IRF6: variants seen among roughly 807,000 people sequenced by gnomAD.
IRF6 encodes Van der Woude syndrome.
Under a neutral mutation model 51.4 loss-of-function variants are expected in IRF6, and 6 were observed. The ratio of observed to expected loss-of-function variants is 0.12; its 90% CI spans 0.06 to 0.23. IRF6 has a LOEUF of 0.23. Among genes scored for constraint, IRF6 ranks in the 10% least tolerant of loss-of-function variants. IRF6 has a pLI of 1.00. For missense variants in IRF6, 348 were observed against 585.2 expected (o/e 0.59, Z 4.18); for synonymous variants, 178 against 215.7 (o/e 0.83, Z 1.53).
chr1:209,788,381 A>G lies in IRF6; in HGVS notation c.*39T>C, dbSNP rs1281643298. 3.0e-6 allele frequency: 4 copies of G among 1,314,670 alleles called. No individual in the cohort carries two copies. Among genetic ancestry groups the G allele is most frequent in the Non-Finnish European group, 4.4e-6 (4 of 911,410 alleles). 81.4% of individuals were successfully genotyped at this position (1,314,670 alleles called of 1,614,324 possible). On this transcript the variant is annotated 3_prime_UTR_variant, in exon 9 of 9. Coordinates refer to ENST00000367021, the MANE Select transcript of IRF6 (RefSeq NM_006147.4). ...AACAATAAAAAAATCCATATGTACA[A>G]TATTATAAAAAAGAGAAGGAAGAAG...
At chr1:209,794,235 G>C (rs1159699027) in intron 5 of IRF6, among the ~76,000 whole-genome samples, 1 of 152,152 alleles carries the variant, frequency 6.6e-6, no homozygotes, top group South Asian at 2.1e-4. Context: ...ATCAGCATCT[G>C]TTATTTTTTG....
chr1:209,790,475 C>T lies in IRF6; in HGVS notation c.1060+20G>A. Reference sequence around the variant, plus strand: ...TCCAGAGAGTGATTCCCACGATCAACTTTCTGAGAAATGACTTACCGCTAA... The same window carrying T: ...TCCAGAGAGTGATTCCCACGATCAATTTTCTGAGAAATGACTTACCGCTAA... On this transcript the variant is annotated intron_variant, in intron 7 of 8. Coordinates refer to ENST00000367021, the MANE Select transcript of IRF6 (RefSeq NM_006147.4). The surrounding 1 kb of genome is among the most constrained non-coding windows in gnomAD (Gnocchi z 4.8). 1 of 1,612,832 alleles carries T rather than the reference C, an allele frequency of 6.2e-7. No homozygotes were observed. Among genetic ancestry groups the T allele is most frequent in the Non-Finnish European group, 8.5e-7 (1 of 1,179,618 alleles).
Position 209,796,646 on chromosome 1 carries a change from C to CACACACA in IRF6, c.175-101_175-95dup. 5.3e-6 allele frequency: 4 copies of CACACACA among 756,070 alleles called. No homozygotes were observed. Among genetic ancestry groups the CACACACA allele is most frequent in the Non-Finnish European group, 6.8e-6 (3 of 443,820 alleles). The allele number at this position is 756,070 out of a possible 1,614,324, so 46.8% of individuals were successfully genotyped here. On this transcript the variant is annotated intron_variant, in intron 3 of 8. Coordinates refer to ENST00000367021, the MANE Select transcript of IRF6 (RefSeq NM_006147.4). This position sits in a 1 kb window ranked among gnomAD's most constrained non-coding sequence, Gnocchi z 4.5. ...TCTCATAGACACAAACACACACACACACACACACACACACACACACACACA... is the reference window on the plus strand; with the variant it reads ...TCTCATAGACACAAACACACACACACACACACAACACACACACACACACACACACACA...
In IRF6 at chr1:209,785,811, T is replaced by C. The variant is rs1392610567; in HGVS notation, c.*2609A>G. 4 of 152,128 alleles carry C rather than the reference T, an allele frequency of 2.6e-5. No homozygotes were observed. The highest frequency in any genetic ancestry group is 9.7e-5 in the African/African-American group (4 of 41,412). The allele number at this position is 152,128 out of a possible 1,614,324, so 9.4% of individuals were successfully genotyped here. ...GTCCCTACCTTCAGCAAGTTTGCAGTCAAGCAGGATGCGGATGCTGAGCAT... is the reference window on the plus strand; with the variant it reads ...GTCCCTACCTTCAGCAAGTTTGCAGCCAAGCAGGATGCGGATGCTGAGCAT... On this transcript the variant is annotated 3_prime_UTR_variant, in exon 9 of 9. Transcript: ENST00000367021.
chr1:209,798,567 C>A (rs1270123499), intron 3 of IRF6, among the ~76,000 whole-genome samples: 1 of 152,126 alleles, frequency 6.6e-6, no homozygotes. Flanking sequence ...CACTGGGCAC[C>A]CAAGGCTGAT....
At position 209,796,257 on chromosome 1, in the gene IRF6, A is replaced by T. The variant is rs2077900525; in HGVS notation, c.379+91T>A. 1.8e-6 allele frequency: 2 copies of T among 1,085,726 alleles called. No individual in the cohort carries two copies. Among genetic ancestry groups the T allele is most frequent in the Non-Finnish European group, 2.8e-6 (2 of 717,974 alleles). The allele number at this position is 1,085,726 out of a possible 1,614,324, so 67.3% of individuals were successfully genotyped here. ...TGCTTTATCCATCTTAAACTGTGTA[A>T]ATCAGGCTGTTTTCAAGTTGACTAT... On this transcript the variant is annotated intron_variant, in intron 4 of 8. Coordinates refer to ENST00000367021, the MANE Select transcript of IRF6 (RefSeq NM_006147.4). This position sits in a 1 kb window ranked among gnomAD's most constrained non-coding sequence, Gnocchi z 4.5.
At position 209,788,197 on chromosome 1, in the gene IRF6, C is replaced by T. The variant is rs1558038067; in HGVS notation, c.*223G>A. The T allele has an allele frequency of 1.8e-6, 1 of 567,586 alleles. No homozygotes were observed. The highest frequency in any genetic ancestry group is 3.1e-6 in the Non-Finnish European group (1 of 318,786). 35.2% of individuals were successfully genotyped at this position (567,586 alleles called of 1,614,324 possible). On this transcript the variant is annotated 3_prime_UTR_variant, in exon 9 of 9. Transcript: ENST00000367021. ...CCAGGCCAAATCTCCTTCTACTATG[C>T]TATATCATACTACCATTAGGAGATT...
At chr1:209,800,262 A>G (rs1180604259) in intron 3 of IRF6, among the ~76,000 whole-genome samples, 1 of 152,186 alleles carries the variant, frequency 6.6e-6, no homozygotes, top group East Asian at 1.9e-4. Flanking sequence ...CTGTCCACCT[A>G]CTTCTGTCTT....
chr1:209,803,488 G>A (rs1001608291), intron 1 of IRF6, among the ~76,000 whole-genome samples: 3 of 152,354 alleles, frequency 2.0e-5, no homozygotes, highest in East Asian at 1.9e-4. Context: ...GATGGGAAAG[G>A]AGAAGCAGCC....
intron 6 of IRF6, 54 bp downstream of exon 6, chr1:209,792,215 A>G: frequency 6.4e-7 from 1 of 1,555,940 alleles, no homozygotes; most frequent in Non-Finnish European, 8.9e-7. Context: ...CAGGACAGGA[A>G]AGAGTCTATA....
chr1:209,787,868 T>C lies in IRF6; in HGVS notation c.*552A>G. 1 of 154,146 alleles carries C rather than the reference T, an allele frequency of 6.5e-6. No homozygotes were observed. Among genetic ancestry groups the C allele is most frequent in the Non-Finnish European group, 1.4e-5 (1 of 69,120 alleles). The allele number at this position is 154,146 out of a possible 1,614,324, so 9.5% of individuals were successfully genotyped here. ...TCACTTCCCCCATCAGGGAGCCAGC[T>C]TACTATACTAGCAGAACAGGTCAAA... On this transcript the variant is annotated 3_prime_UTR_variant, in exon 9 of 9. Transcript: ENST00000367021.
At position 209,789,694 on chromosome 1, in the gene IRF6, T is replaced by C. The variant is rs1221258703; in HGVS notation, c.1152A>G (p.Pro384=). Residue 384 remains proline (P), a synonymous_variant, in exon 8 of 9, where the codon CCA becomes CCG. Transcript: ENST00000367021. The part of the protein sequence containing the change: ...CFGEEWPDGK[P]LERKLILVQV... ...GAACCAAGATGAGTTTCCTTTCCAA[T>C]GGTTTCCCATCTGGCCATTCTTCCC... 2 of 1,613,528 alleles carry C rather than the reference T, an allele frequency of 1.2e-6. No individual in the cohort carries two copies. The highest frequency in any genetic ancestry group is 3.3e-5 in the Admixed American group (2 of 60,034).
At chr1:209,801,183 CAAAAAA>C (rs35878470) in intron 3 of IRF6, 51 bp downstream of exon 3, 697 of 1,045,320 alleles carry the variant, frequency 6.7e-4, no homozygotes, top group Non-Finnish European at 7.9e-4. Flanking sequence ...TTCCCCATGC[CAAAAAA>C]AAAAAAAAAA....
rs774492213 is a variant in IRF6, at chr1:209,792,241, C to T, written c.667+28G>A. 7.5e-6 allele frequency: 12 copies of T among 1,606,750 alleles called. No individual in the cohort carries two copies. The African/African-American group carries it at 9.4e-5, about 13-fold the overall frequency. ...AGAGTCTATAATAGAAGCAGAAGACCGAGCAAGAAAGATAAAGTCTCACTT... is the reference window on the plus strand; with the variant it reads ...AGAGTCTATAATAGAAGCAGAAGACTGAGCAAGAAAGATAAAGTCTCACTT... On this transcript the variant is annotated intron_variant, in intron 6 of 8. Transcript: ENST00000367021.
Position 209,787,383 on chromosome 1 carries a change from C to A in IRF6, c.*1037G>T, listed in dbSNP as rs1571977609. The A allele has an allele frequency of 6.6e-6, 1 of 152,346 alleles. No homozygotes were observed. Among genetic ancestry groups the A allele is most frequent in the Admixed American group, 6.5e-5 (1 of 15,290 alleles). The allele number at this position is 152,346 out of a possible 1,614,324, so 9.4% of individuals were successfully genotyped here. On this transcript the variant is annotated 3_prime_UTR_variant, in exon 9 of 9. Transcript: ENST00000367021. ...GACAAGCAGGTTCGTGCTAGGTGAG[C>A]CTTTCCAGAAGAGTACTGCCCAGCC...
intron 1 of IRF6, among the ~76,000 whole-genome samples, chr1:209,804,499 C>T (rs12405750): frequency 0.045 from 6,846 of 152,290 alleles, 820 homozygotes; most frequent in East Asian, 0.41. Context: ...TCAGAGTTCT[C>T]TTTCTAAACA....
intron 6 of IRF6, among the ~76,000 whole-genome samples, chr1:209,791,711 G>A (rs755180159): frequency 7.2e-5 from 11 of 152,280 alleles, no homozygotes; most frequent in Non-Finnish European, 8.8e-5. Flanking sequence ...ACCCACCTAA[G>A]ACCTGAATAA....
chr1:209,800,650 G>A (rs993914727), intron 3 of IRF6, among the ~76,000 whole-genome samples: 4 of 152,206 alleles, frequency 2.6e-5, no homozygotes, highest in East Asian at 1.9e-4. Flanking sequence ...TTCCAGCTAC[G>A]TGGGAGGTTG....
Position 209,801,388 on chromosome 1 carries a change from CG to C in IRF6, c.25del (p.Arg9GlyfsTer2). 6.2e-7 allele frequency: 1 copy of C among 1,610,162 alleles called. No homozygotes were observed. On this transcript the variant is annotated frameshift_variant, in exon 3 of 9. Coordinates refer to ENST00000367021, the MANE Select transcript of IRF6 (RefSeq NM_006147.4). LOFTEE classifies it high-confidence loss of function. Reference sequence around the variant, plus strand: ...CTGGGCCACCAGCCAGGGCTTTAGCCGGACTCTGCGGGGGTGGAGGGCCATG... The same window carrying C: ...CTGGGCCACCAGCCAGGGCTTTAGCCGACTCTGCGGGGGTGGAGGGCCATG... MALHPRRVRLKPWLVAQVD... is the reference protein window; with the variant it reads MALHPRRVXLKPWLVAQVD...
Sources: gnomAD v4.1 joint callset for allele counts (sites outside exome capture counted in the v4.1 genomes callset) on GRCh38, gnomAD v4.1.1 for gene constraint, Gnocchi (gnomAD v3.1) non-coding constraint, MANE v1.5 for transcripts, NCBI Gene and HGNC (gene_info 2026-07-23, HGNC 2026-07-21) for gene names.